DPYSL3: variants seen among roughly 807,000 people sequenced by gnomAD.
The protein encoded by DPYSL3 is dihydropyrimidinase like 3.
In DPYSL3, 16 loss-of-function variants were observed where a neutral mutation model predicts 66.1. The observed-to-expected ratio is 0.24, with a 90% confidence interval of 0.16 to 0.37. The LOEUF (loss-of-function observed/expected upper bound fraction) is 0.37. Ranked by LOEUF, DPYSL3 falls within the 10% of genes least tolerant of loss-of-function variation. The probability of loss-of-function intolerance (pLI) is 1.00; values close to 1 mark genes in which losing one functional copy is unlikely to be tolerated. For synonymous variants in DPYSL3, 338 were observed against 345.1 expected (o/e 0.98, Z 0.23); for missense variants, 738 against 916.2 (o/e 0.81, Z 2.51).
chr5:147,405,772 T>G, intron 7 of DPYSL3, 42 bp from the exon 8 acceptor site: 2 of 1,583,308 alleles, frequency 1.3e-6, no homozygotes, highest in Non-Finnish European at 1.7e-6. Flanking sequence ...AACATGAACC[T>G]CTCAAACTGG....
intron 1 of DPYSL3, among the ~76,000 whole-genome samples, chr5:147,491,327 T>C (rs1051028181): frequency 6.6e-6 from 1 of 152,178 alleles, no homozygotes; most frequent in African/African-American, 2.4e-5. Context: ...TGCCACTACA[T>C]TACTAATGGC....
intron 1 of DPYSL3, among the ~76,000 whole-genome samples, chr5:147,494,375 A>G (rs1271455784): frequency 6.6e-6 from 1 of 152,102 alleles, no homozygotes; most frequent in Non-Finnish European, 1.5e-5. Context: ...AGATAAATAC[A>G]TTTCTTTTCT....
chr5:147,416,375 C>T (rs1158371724), intron 3 of DPYSL3, among the ~76,000 whole-genome samples: 4 of 152,146 alleles, frequency 2.6e-5, no homozygotes, highest in Non-Finnish European at 5.9e-5. Context: ...GACATTGAGG[C>T]TCTCTGCTAT....
chr5:147,418,492 A>C lies in DPYSL3; in HGVS notation c.610T>G (p.Phe204Val), dbSNP rs766199489. 9.9e-6 allele frequency: 16 copies of C among 1,613,288 alleles called. No homozygotes were observed. Among genetic ancestry groups the C allele is most frequent in the Non-Finnish European group, 1.2e-5 (14 of 1,179,536 alleles). The change falls in exon 3 of 14, where the codon TTC (phenylalanine) becomes GTC (valine). Residue 204 changes from phenylalanine to valine, a missense_variant. Coordinates refer to ENST00000343218, the MANE Select transcript of DPYSL3 (RefSeq NM_001197294.2). ...GCTAAGGCCGCCTTTGTCCCTTGGA[A>C]GAAGTCATCTACTGTGGTCATTCCC... The part of the protein sequence containing the change: ...YKGMTTVDDF[F>V]QGTKAALAGG...
chr5:147,397,803 C>T lies in DPYSL3; in HGVS notation c.1666G>A (p.Ala556Thr). ...NIFEGMELRG[A>T]PLVVICQGKI... ...CCCTGGCAGATGACAACCAGAGGAG[C>T]CCCGCGCAGCTCCATCCCTTCAAAG... The change falls in exon 12 of 14, where the codon GCT (alanine) becomes ACT (threonine). Residue 556 changes from alanine to threonine, a missense_variant. Physicochemically the swap from Ala to Thr is moderately conservative, Grantham distance 58 (BLOSUM62 0). Coordinates refer to ENST00000343218, the MANE Select transcript of DPYSL3 (RefSeq NM_001197294.2). 6.2e-6 allele frequency: 10 copies of T among 1,613,786 alleles called. No individual in the cohort carries two copies. Among genetic ancestry groups the T allele is most frequent in the Non-Finnish European group, 8.5e-6 (10 of 1,179,974 alleles).
At chr5:147,461,569 A>G (rs1477763776) in intron 1 of DPYSL3, among the ~76,000 whole-genome samples, 1 of 152,186 alleles carries the variant, frequency 6.6e-6, no homozygotes, top group East Asian at 1.9e-4. Context: ...AATTTCAGGT[A>G]TCACCCCAGA....
intron 1 of DPYSL3, among the ~76,000 whole-genome samples, chr5:147,446,436 A>G (rs1317245365): frequency 1.2e-4 from 19 of 152,236 alleles, no homozygotes; most frequent in Admixed American, 1.2e-3. Context: ...CTCATTGTCC[A>G]GCACTTCCAG....
chr5:147,452,641 G>T (rs924225356), intron 1 of DPYSL3, among the ~76,000 whole-genome samples: 19 of 152,094 alleles, frequency 1.2e-4, no homozygotes, highest in Admixed American at 6.5e-5. Context: ...CTTGCTGGGC[G>T]CCGGTGAAGA....
chr5:147,457,404 G>T (rs1386690726), intron 1 of DPYSL3, among the ~76,000 whole-genome samples: 1 of 152,160 alleles, frequency 6.6e-6, no homozygotes, highest in South Asian at 2.1e-4. Context: ...ATTATTAGGG[G>T]AGTGAATGTA....
intron 1 of DPYSL3, among the ~76,000 whole-genome samples, chr5:147,438,338 C>T (rs1336797269): frequency 6.6e-6 from 1 of 152,168 alleles, no homozygotes; most frequent in Non-Finnish European, 1.5e-5. Flanking sequence ...GTCAGGCAGA[C>T]CTTGAATGAA....
chr5:147,466,496 C>T (rs777271780), intron 1 of DPYSL3, among the ~76,000 whole-genome samples: 1 of 152,188 alleles, frequency 6.6e-6, no homozygotes, highest in Non-Finnish European at 1.5e-5. Context: ...CTACCTGCAC[C>T]CTGTCTGTTA....
chr5:147,486,542 G>A (rs958745665), intron 1 of DPYSL3, among the ~76,000 whole-genome samples: 12 of 152,172 alleles, frequency 7.9e-5, no homozygotes, highest in East Asian at 5.8e-4. Context: ...TATCGATTCC[G>A]TGCCTTCTCC....
intron 1 of DPYSL3, among the ~76,000 whole-genome samples, chr5:147,507,961 G>A (rs1040915257): frequency 2.0e-5 from 3 of 152,130 alleles, no homozygotes; most frequent in Non-Finnish European, 2.9e-5. Context: ...ACTCCCGCCC[G>A]TTCCAGTCAG....
At chr5:147,426,043 AT>A (rs539809129) in intron 1 of DPYSL3, among the ~76,000 whole-genome samples, 418 of 152,150 alleles carry the variant, frequency 2.7e-3, no homozygotes, top group Non-Finnish European at 4.5e-3. Flanking sequence ...CCATCCATCC[AT>A]TCATCCATCC....
intron 1 of DPYSL3, among the ~76,000 whole-genome samples, chr5:147,506,206 T>C (rs576760420): frequency 5.8e-4 from 88 of 152,222 alleles, no homozygotes; most frequent in African/African-American, 1.5e-3. Context: ...AATAGAAAGA[T>C]GAGCTAAGAT....
chr5:147,457,779 G>T (rs899463388), intron 1 of DPYSL3, among the ~76,000 whole-genome samples: 1 of 152,172 alleles, frequency 6.6e-6, no homozygotes, highest in Non-Finnish European at 1.5e-5. Flanking sequence ...TTCCAGAATA[G>T]GCAACTCAGG....
chr5:147,434,361 C>T (rs1425849475), intron 1 of DPYSL3, among the ~76,000 whole-genome samples: 1 of 152,078 alleles, frequency 6.6e-6, no homozygotes, highest in Non-Finnish European at 1.5e-5. Flanking sequence ...CCTTTTTAGG[C>T]CTCAAATACA....
chr5:147,393,819 G>A lies in DPYSL3; in HGVS notation c.*216C>T. The A allele has an allele frequency of 1.7e-6, 1 of 572,696 alleles. No individual in the cohort carries two copies. Among genetic ancestry groups the A allele is most frequent in the Non-Finnish European group, 3.1e-6 (1 of 322,446 alleles). The allele number at this position is 572,696 out of a possible 1,614,324, so 35.5% of individuals were successfully genotyped here. On this transcript the variant is annotated 3_prime_UTR_variant, in exon 14 of 14. Coordinates refer to ENST00000343218, the MANE Select transcript of DPYSL3 (RefSeq NM_001197294.2). ...CATGCATGTAAATGGGGGGAGGGGA[G>A]TCAAACAAATCAAGGCTATGCATAA...
chr5:147,452,442 C>T (rs1427470082), intron 1 of DPYSL3, among the ~76,000 whole-genome samples: 4 of 149,338 alleles, frequency 2.7e-5, no homozygotes, highest in African/African-American at 1.0e-4. Flanking sequence ...CCCCACTACA[C>T]ACACACACAC....
Sources: allele counts gnomAD v4.1 joint callset (sites outside exome capture counted in the v4.1 genomes callset), GRCh38; gene constraint gnomAD v4.1.1; transcripts MANE v1.5; gene names NCBI Gene and HGNC (gene_info 2026-07-23, HGNC 2026-07-21).